Variants in WDFY4 observed in about 807,000 individuals in gnomAD.
The protein encoded by WDFY4 is WDFY family member 4, also known as WD repeat- and FYVE domain-containing protein 4.
A neutral mutation model predicts 351.9 loss-of-function variants in WDFY4; 169 were observed. The observed-to-expected ratio is 0.48, with a 90% CI of 0.42 to 0.55. WDFY4 has a LOEUF of 0.55. Ranked by LOEUF, WDFY4 falls within the 20% of genes least tolerant of loss-of-function variation. The pLI is 0.00. For missense variants in WDFY4, 3,803 were observed against 3,935.6 expected, an observed-to-expected ratio of 0.97 and a Z score of 0.90; for synonymous variants, 1,622 against 1,574.6, an observed-to-expected ratio of 1.03 and a Z score of -0.71.
At chr10:48,887,857 A>G (rs1311328619) in intron 43 of WDFY4, among the ~76,000 whole-genome samples, 1 of 152,168 alleles carries the variant, frequency 6.6e-6, no homozygotes, top group Non-Finnish European at 1.5e-5. Flanking sequence ...TCATTGTAGC[A>G]TTGCCTGTTA....
chr10:48,714,608 G>C (rs2063850965), intron 2 of WDFY4, among the ~76,000 whole-genome samples: 1 of 152,164 alleles, frequency 6.6e-6, no homozygotes, highest in Non-Finnish European at 1.5e-5. Context: ...TGCTGGTTTT[G>C]GGGGAAGAAA....
intron 20 of WDFY4, among the ~76,000 whole-genome samples, chr10:48,787,807 C>CTCCTCTTCT (rs796166984): frequency 0.039 from 2,973 of 76,692 alleles, 395 homozygotes; most frequent in Admixed American, 0.092. Flanking sequence ...CCTCCTCCTC[C>CTCCTCTTCT]TCTTCTTCTT....
At chr10:48,719,097 A>G (rs1357864330) in intron 2 of WDFY4, among the ~76,000 whole-genome samples, 1 of 152,250 alleles carries the variant, frequency 6.6e-6, no homozygotes. Flanking sequence ...ATTTGATTTC[A>G]TAGGAATTTC....
intron 1 of WDFY4, among the ~76,000 whole-genome samples, chr10:48,687,247 G>A (rs1211310944): frequency 6.6e-6 from 1 of 151,884 alleles, no homozygotes; most frequent in Non-Finnish European, 1.5e-5. Context: ...TACATATTCT[G>A]GGTACTACTT....
At chr10:48,934,588 C>T (rs1840236481) in intron 47 of WDFY4, among the ~76,000 whole-genome samples, 1 of 152,234 alleles carries the variant, frequency 6.6e-6, no homozygotes, top group Admixed American at 6.5e-5. Context: ...AGGGCTTAAC[C>T]ACTTATTAGT....
chr10:48,885,921 A>G (rs2070438511), intron 43 of WDFY4, among the ~76,000 whole-genome samples: 1 of 152,110 alleles, frequency 6.6e-6, no homozygotes, highest in Non-Finnish European at 1.5e-5. Flanking sequence ...TTGATACTTG[A>G]CTTTTTCTCA....
At chr10:48,892,039 G>T (rs952469410) in intron 44 of WDFY4, among the ~76,000 whole-genome samples, 5 of 152,208 alleles carry the variant, frequency 3.3e-5, no homozygotes, top group African/African-American at 1.2e-4. Context: ...CAAGGCAGGA[G>T]AAGCATAATT....
intron 23 of WDFY4, among the ~76,000 whole-genome samples, chr10:48,795,152 T>C (rs2132779423): frequency 6.6e-6 from 1 of 152,050 alleles, no homozygotes; most frequent in East Asian, 1.9e-4. Flanking sequence ...AGACTCTGCT[T>C]GTGACAGGAA....
chr10:48,827,105 T>A (rs1028226217), intron 36 of WDFY4, among the ~76,000 whole-genome samples, 196 bp downstream of exon 36: 3 of 152,200 alleles, frequency 2.0e-5, no homozygotes, highest in African/African-American at 7.2e-5. Flanking sequence ...GCAGTTAGAA[T>A]CATCATGAGA....
At chr10:48,723,640 G>T (rs181489089) in intron 5 of WDFY4, 73 bp downstream of exon 5, 5 of 1,527,668 alleles carry the variant, frequency 3.3e-6, no homozygotes, top group African/African-American at 1.4e-5. Flanking sequence ...AATGCTTCCC[G>T]TAGATGCTTT....
chr10:48,755,467 C>T (rs1327845677), intron 12 of WDFY4, among the ~76,000 whole-genome samples: 1 of 152,112 alleles, frequency 6.6e-6, no homozygotes, highest in Non-Finnish European at 1.5e-5. Flanking sequence ...AAGATTTTCT[C>T]CTATGTTTTC....
At chr10:48,954,240 AC>A (rs971893550) in intron 51 of WDFY4, among the ~76,000 whole-genome samples, 19 of 152,182 alleles carry the variant, frequency 1.2e-4, no homozygotes, top group Non-Finnish European at 2.4e-4. Flanking sequence ...AACAACTGTA[AC>A]CTTTTGCCTC....
chr10:48,759,278 T>C (rs1477570878), intron 12 of WDFY4, among the ~76,000 whole-genome samples: 9 of 152,126 alleles, frequency 5.9e-5, no homozygotes, highest in Admixed American at 3.3e-4. Flanking sequence ...ATATACAACT[T>C]TGTGGTTACA....
chr10:48,890,988 G>A (rs1417376470), intron 44 of WDFY4, among the ~76,000 whole-genome samples: 1 of 152,198 alleles, frequency 6.6e-6, no homozygotes, highest in Non-Finnish European at 1.5e-5. Flanking sequence ...TCAGGGATCA[G>A]TCCTTCAATT....
intron 47 of WDFY4, among the ~76,000 whole-genome samples, chr10:48,933,422 T>C (rs1840154647): frequency 6.6e-6 from 1 of 152,240 alleles, no homozygotes; most frequent in Non-Finnish European, 1.5e-5. Context: ...AGCTGCCATC[T>C]GGCTTTTCCA....
chr10:48,959,506 A>C (rs1398124809), intron 52 of WDFY4, among the ~76,000 whole-genome samples: 1 of 152,234 alleles, frequency 6.6e-6, no homozygotes, highest in East Asian at 1.9e-4. Flanking sequence ...CTGCCTGGGA[A>C]GCAAGGAGGG....
chr10:48,715,171 A>T (rs1355402681), intron 2 of WDFY4, among the ~76,000 whole-genome samples: 1 of 152,230 alleles, frequency 6.6e-6, no homozygotes, highest in Admixed American at 6.5e-5. Context: ...CTGTGAGCAC[A>T]CCCACAATCT....
At chr10:48,907,648 C>T (rs2133444737) in intron 47 of WDFY4, among the ~76,000 whole-genome samples, 1 of 152,302 alleles carries the variant, frequency 6.6e-6, no homozygotes, top group African/African-American at 2.4e-5. Context: ...CCCAGAGGCA[C>T]CACAGTTAGC....
intron 47 of WDFY4, among the ~76,000 whole-genome samples, chr10:48,921,090 A>C (rs1839034298): frequency 1.3e-5 from 2 of 152,234 alleles, no homozygotes; most frequent in Admixed American, 6.5e-5. Context: ...TCAAAATTAC[A>C]GGAGGATTAT....
Sources: gnomAD v4.1 joint callset for allele counts (sites outside exome capture counted in the v4.1 genomes callset) on GRCh38, gnomAD v4.1.1 for gene constraint, MANE v1.5 for transcripts, NCBI Gene and HGNC (gene_info 2026-07-23, HGNC 2026-07-21) for gene names.